Variants in SGCD observed in about 807,000 individuals in gnomAD.
The protein encoded by SGCD is sarcoglycan delta.
Under a neutral mutation model 36.6 loss-of-function variants are expected in SGCD, and 18 were observed. That is an observed-to-expected ratio of 0.49 (90% confidence interval 0.34 to 0.73). SGCD has a LOEUF of 0.73. Ranked by LOEUF, SGCD falls within the 30% of genes least tolerant of loss-of-function variation. The pLI, the probability that SGCD is intolerant of heterozygous loss-of-function variation, is 0.01. For synonymous variants in SGCD, 133 were observed against 130.6 expected (o/e 1.02, Z -0.12); for missense variants, 387 against 346.7 (o/e 1.12, Z -0.92).
At chr5:156,500,988 C>T (rs538786525) in intron 3 of SGCD, among the ~76,000 whole-genome samples, 3 of 152,278 alleles carry the variant, frequency 2.0e-5, no homozygotes, top group East Asian at 3.9e-4. Context: ...CCTGCACTGG[C>T]CATGCTGAGA....
the SGCD span, among the ~76,000 whole-genome samples, chr5:155,746,405 C>T: frequency 6.6e-6 from 1 of 151,904 alleles, no homozygotes; most frequent in South Asian, 2.1e-4. Flanking sequence ...AAAAAAAGAA[C>T]ACTCCAGGAG....
intron 7 of SGCD, among the ~76,000 whole-genome samples, chr5:156,715,083 C>T (rs1328090594): frequency 6.6e-6 from 1 of 152,226 alleles, no homozygotes; most frequent in African/African-American, 2.4e-5. Context: ...ATTCCACCTC[C>T]AGAGTAGCGA....
intron 4 of SGCD, among the ~76,000 whole-genome samples, chr5:156,533,673 A>C (rs1232654338): frequency 6.6e-6 from 1 of 152,220 alleles, no homozygotes; most frequent in Non-Finnish European, 1.5e-5. Context: ...CCAATTGTCC[A>C]AATACCTGTG....
At chr5:156,044,040 T>C (rs1220357854) in intron 1 of SGCD, among the ~76,000 whole-genome samples, 1 of 152,144 alleles carries the variant, frequency 6.6e-6, no homozygotes, top group Admixed American at 6.6e-5. Flanking sequence ...TCAATATTTG[T>C]ATGTATTCAG....
intron 3 of SGCD, among the ~76,000 whole-genome samples, chr5:156,182,799 G>A (rs1388451851): frequency 2.6e-5 from 4 of 152,212 alleles, no homozygotes; most frequent in African/African-American, 9.7e-5. Context: ...GTTTGGCCAT[G>A]TGATTTGCCT....
chr5:155,817,375 G>A, the SGCD span, among the ~76,000 whole-genome samples: 2 of 150,968 alleles, frequency 1.3e-5, no homozygotes, highest in African/African-American at 4.9e-5. Flanking sequence ...GTTTTACTTG[G>A]CCACTAGCAA....
At chr5:155,798,108 C>G in the SGCD span, among the ~76,000 whole-genome samples, 2 of 152,204 alleles carry the variant, frequency 1.3e-5, no homozygotes, top group African/African-American at 2.4e-5. Context: ...TCCACAGGTT[C>G]TAAGTCATTT....
intron 7 of SGCD, among the ~76,000 whole-genome samples, chr5:156,719,910 G>A (rs1204053543): frequency 1.3e-5 from 2 of 151,868 alleles, no homozygotes; most frequent in Non-Finnish European, 2.9e-5. Flanking sequence ...TCACACTTGG[G>A]TCACAAGGAT....
At chr5:155,960,513 A>T (rs1431441416) in intron 1 of SGCD, among the ~76,000 whole-genome samples, 1 of 152,106 alleles carries the variant, frequency 6.6e-6, no homozygotes, top group Non-Finnish European at 1.5e-5. Flanking sequence ...CAAAAACAGT[A>T]GAAGCCTAAA....
Position 156,765,279 on chromosome 5 carries a change from G to A in SGCD, c.*5889G>A, listed in dbSNP as rs1272126911. 6.6e-6 allele frequency: 1 copy of A among 152,130 alleles called. No homozygotes were observed. Among genetic ancestry groups the A allele is most frequent in the Non-Finnish European group, 1.5e-5 (1 of 68,034 alleles). 9.4% of individuals were successfully genotyped at this position (152,130 alleles called of 1,614,324 possible). ...GAGAAACTCCAAACTGGTCTATTAG[G>A]TTCCATGGGAACACTTGTAGCCAAA... On this transcript the variant is annotated 3_prime_UTR_variant, in exon 9 of 9. Coordinates refer to ENST00000337851, the MANE Select transcript of SGCD (RefSeq NM_000337.6).
chr5:156,686,175 C>T (rs1753898110), intron 7 of SGCD, among the ~76,000 whole-genome samples: 2 of 152,124 alleles, frequency 1.3e-5, no homozygotes, highest in Admixed American at 6.6e-5. Context: ...CTGTTTTTAT[C>T]CCCATTTCAT....
intron 3 of SGCD, among the ~76,000 whole-genome samples, chr5:156,352,214 C>T (rs373522821): frequency 8.5e-5 from 13 of 152,250 alleles, no homozygotes; most frequent in African/African-American, 3.1e-4. Context: ...CTACAAAAGG[C>T]TTAGGAGTCA....
intron 7 of SGCD, among the ~76,000 whole-genome samples, chr5:156,712,934 A>G (rs1006287249): frequency 6.6e-6 from 1 of 152,204 alleles, no homozygotes; most frequent in Non-Finnish European, 1.5e-5. Flanking sequence ...TGTAAGCTTC[A>G]TGAGAAGCTT....
chr5:156,546,863 G>C (rs1218818820), intron 4 of SGCD, among the ~76,000 whole-genome samples: 1 of 152,140 alleles, frequency 6.6e-6, no homozygotes, highest in Non-Finnish European at 1.5e-5. Context: ...TTGGTGGAGA[G>C]GGAGCTTAGA....
At chr5:156,246,999 C>G (rs2127658882) in intron 3 of SGCD, among the ~76,000 whole-genome samples, 1 of 152,328 alleles carries the variant, frequency 6.6e-6, no homozygotes, top group East Asian at 1.9e-4. Flanking sequence ...ACCACTTAGA[C>G]TTTAAGTCCT....
chr5:156,608,420 A>C (rs1375492203), intron 6 of SGCD, among the ~76,000 whole-genome samples: 2 of 152,098 alleles, frequency 1.3e-5, no homozygotes, highest in African/African-American at 4.8e-5. Context: ...AGTTTGTTAT[A>C]ATTTCTGTTC....
intron 1 of SGCD, among the ~76,000 whole-genome samples, chr5:155,906,899 A>G: frequency 8.1e-6 from 1 of 123,440 alleles, no homozygotes; most frequent in Middle Eastern, 3.8e-3. Context: ...ACAGATTTTC[A>G]ATGCATATGA....
chr5:156,614,277 T>C (rs1173168698), intron 6 of SGCD, among the ~76,000 whole-genome samples: 2 of 152,170 alleles, frequency 1.3e-5, no homozygotes, highest in South Asian at 2.1e-4. Flanking sequence ...GATGAGCAGA[T>C]TGAGGCACAG....
chr5:156,110,725 T>C (rs1761763504), intron 1 of SGCD, among the ~76,000 whole-genome samples: 1 of 152,208 alleles, frequency 6.6e-6, no homozygotes, highest in Non-Finnish European at 1.5e-5. Flanking sequence ...ATTTGTTCCA[T>C]TCTAAGGAGT....
Sources: gnomAD v4.1 joint callset for allele counts (sites outside exome capture counted in the v4.1 genomes callset) on GRCh38, gnomAD v4.1.1 for gene constraint, MANE v1.5 for transcripts, NCBI Gene and HGNC (gene_info 2026-07-23, HGNC 2026-07-21) for gene names.